WWOX: variants seen among roughly 807,000 people sequenced by gnomAD.
WWOX encodes WW domain containing oxidoreductase.
A neutral mutation model predicts 46.2 loss-of-function variants in WWOX; 69 were observed. That is an observed-to-expected ratio of 1.49 (90% CI 1.23 to 1.82). WWOX has a LOEUF of 1.82. Ranked by LOEUF, WWOX falls within the 40% of genes most tolerant of loss-of-function variation. The pLI, the probability that WWOX is intolerant of heterozygous loss-of-function variation, is 0.00. For synonymous variants in WWOX, 359 were observed against 202.6 expected (o/e 1.77, Z -6.56); for missense variants, 919 against 542.6 (o/e 1.69, Z -6.89).
intron 8 of WWOX, among the ~76,000 whole-genome samples, chr16:79,148,445 T>G (rs538085549): frequency 6.6e-5 from 10 of 152,228 alleles, no homozygotes; most frequent in African/African-American, 2.4e-4. Context: ...CTGACAATTA[T>G]ACGCTGTCTT....
intron 8 of WWOX, among the ~76,000 whole-genome samples, chr16:79,146,897 T>C (rs1039314866): frequency 4.6e-5 from 7 of 152,190 alleles, no homozygotes; most frequent in Non-Finnish European, 8.8e-5. Flanking sequence ...TGTCCCTTCA[T>C]GTCTAGTTCA....
rs1410779742 is a variant in WWOX at position 78,855,631 on chromosome 16, G to T, written c.1057-355977G>T. Among the ~76,000 whole-genome samples the T allele has an allele frequency of 2.0e-5, 3 of 152,144 alleles. No individual in the cohort carries two copies. The East Asian group carries it at 5.8e-4, about 29-fold the overall frequency. ...TCAGATTCTAGAGCTAACCGAAGAG[G>T]GAAGACAACCTGTCTTCTCCCAGTT... On this transcript the variant is annotated intron_variant, in intron 8 of 8. Coordinates refer to ENST00000566780, the MANE Select transcript of WWOX (RefSeq NM_016373.4).
At chr16:78,719,986 G>A (rs1202803381) in intron 8 of WWOX, among the ~76,000 whole-genome samples, 1 of 152,028 alleles carries the variant, frequency 6.6e-6, no homozygotes, top group Non-Finnish European at 1.5e-5. Context: ...AAAGTGGAAG[G>A]TTTTTTTCAG....
rs538468704 is a variant in WWOX, at chr16:79,212,486, G to A, written c.*690G>A. On this transcript the variant is annotated 3_prime_UTR_variant, in exon 9 of 9. Transcript: ENST00000566780. ...AAATCATTCCTTAGATACCTTGAAA[G>A]GCAGGAAGGGAAGCGTATATACTTA... The A allele has an allele frequency of 3.2e-5, 7 of 219,324 alleles. No individual in the cohort carries two copies. In the South Asian group the frequency reaches 6.6e-4, roughly 21 times the overall value. The allele number at this position is 219,324 out of a possible 1,614,324, so 13.6% of individuals were successfully genotyped here.
At chr16:78,484,208 G>A (rs2084570305) in intron 8 of WWOX, among the ~76,000 whole-genome samples, 1 of 147,620 alleles carries the variant, frequency 6.8e-6, no homozygotes, top group South Asian at 2.1e-4. Flanking sequence ...TGGAATAGAA[G>A]CAAAATTTGC....
At chr16:78,190,497 C>G (rs1285521167) in intron 5 of WWOX, among the ~76,000 whole-genome samples, 3 of 152,188 alleles carry the variant, frequency 2.0e-5, no homozygotes, top group African/African-American at 4.8e-5. Context: ...AAGGCTATGC[C>G]TGCTGGGTAC....
chr16:78,325,225 T>C (rs1030561811), intron 5 of WWOX, among the ~76,000 whole-genome samples: 1 of 152,196 alleles, frequency 6.6e-6, no homozygotes, highest in Non-Finnish European at 1.5e-5. Context: ...TCAGGAGAAA[T>C]GAAAAATCAC....
chr16:78,731,719 C>G (rs6564582), intron 8 of WWOX, among the ~76,000 whole-genome samples: 46,939 of 151,952 alleles, frequency 0.31, 11,470 homozygotes, highest in African/African-American at 0.68. Flanking sequence ...TAAGAAGAAG[C>G]GGATAAGGCC....
intron 5 of WWOX, among the ~76,000 whole-genome samples, chr16:78,318,274 T>A (rs1294432713): frequency 7.9e-6 from 1 of 127,020 alleles, no homozygotes; most frequent in African/African-American, 3.4e-5. Context: ...TGGGAGGAAT[T>A]TTTTTTTTTT....
At chr16:78,292,224 G>A (rs2079872344) in intron 5 of WWOX, among the ~76,000 whole-genome samples, 1 of 152,090 alleles carries the variant, frequency 6.6e-6, no homozygotes, top group African/African-American at 2.4e-5. Context: ...TCACCAGACT[G>A]ATGGTGCCAT....
At chr16:78,740,800 G>A (rs961877194) in intron 8 of WWOX, among the ~76,000 whole-genome samples, 2 of 152,160 alleles carry the variant, frequency 1.3e-5, no homozygotes, top group Non-Finnish European at 2.9e-5. Context: ...GTGTACGTGT[G>A]TGCATGAGCG....
intron 8 of WWOX, among the ~76,000 whole-genome samples, chr16:79,032,351 AAT>A (rs1363543796): frequency 2.1e-5 from 3 of 146,112 alleles, no homozygotes; most frequent in Middle Eastern, 3.7e-3. Flanking sequence ...TGTAATATAT[AAT>A]ATATTCTATG....
At chr16:78,968,510 C>G (rs989900975) in intron 8 of WWOX, among the ~76,000 whole-genome samples, 1 of 152,148 alleles carries the variant, frequency 6.6e-6, no homozygotes, top group Non-Finnish European at 1.5e-5. Flanking sequence ...TCATTGTTAA[C>G]CATCACAAGC....
intron 3 of WWOX, among the ~76,000 whole-genome samples, chr16:78,112,420 A>G (rs1238631440): frequency 7.3e-6 from 1 of 137,590 alleles, no homozygotes; most frequent in Non-Finnish European, 1.6e-5. Flanking sequence ...TTCAAATGAC[A>G]TGTGTGTTTT....
intron 8 of WWOX, among the ~76,000 whole-genome samples, chr16:78,486,407 G>A (rs940898829): frequency 6.1e-4 from 93 of 152,216 alleles, no homozygotes; most frequent in African/African-American, 2.2e-3. Flanking sequence ...TTTTAATATA[G>A]CTTATTGAAT....
At chr16:78,678,185 G>A (rs370469481) in intron 8 of WWOX, among the ~76,000 whole-genome samples, 14 of 152,220 alleles carry the variant, frequency 9.2e-5, no homozygotes, top group Middle Eastern at 3.4e-3. Context: ...GTGGCCTTAC[G>A]TGGCATTTGG....
intron 5 of WWOX, among the ~76,000 whole-genome samples, chr16:78,295,164 T>C (rs1387580380): frequency 6.6e-6 from 1 of 152,154 alleles, no homozygotes; most frequent in Non-Finnish European, 1.5e-5. Context: ...CTCATTTATT[T>C]TGAGGTCTTG....
At chr16:78,628,115 A>C (rs1009764979) in intron 8 of WWOX, among the ~76,000 whole-genome samples, 4 of 152,188 alleles carry the variant, frequency 2.6e-5, no homozygotes, top group Non-Finnish European at 5.9e-5. Context: ...CAGTGGAATG[A>C]ACCTTCACAC....
chr16:78,422,702 T>TAC (rs2082966668), intron 6 of WWOX, among the ~76,000 whole-genome samples: 1 of 100,192 alleles, frequency 1.0e-5, no homozygotes, highest in Non-Finnish European at 2.0e-5. Flanking sequence ...CACACACACA[T>TAC]ATATATATAC....
Sources: gnomAD v4.1 joint callset for allele counts (sites outside exome capture counted in the v4.1 genomes callset) on GRCh38, gnomAD v4.1.1 for gene constraint, MANE v1.5 for transcripts, NCBI Gene and HGNC (gene_info 2026-07-23, HGNC 2026-07-21) for gene names.